Variants in USP54 observed in about 807,000 individuals in gnomAD.
USP54 encodes the protein ubiquitin carboxyl-terminal hydrolase 54.
In USP54, 87 loss-of-function variants were observed where a neutral mutation model predicts 170.5. That is an observed-to-expected ratio of 0.51 (90% confidence interval 0.43 to 0.61). The LOEUF (loss-of-function observed/expected upper bound fraction) is 0.61, where lower values mean the gene tolerates loss of function less well. USP54 is among the 20% of genes least tolerant of loss of function. The probability of loss-of-function intolerance (pLI) is 0.00; values close to 1 mark genes in which losing one functional copy is unlikely to be tolerated. For synonymous variants in USP54, 655 were observed against 742.8 expected, an observed-to-expected ratio of 0.88 and a Z score of 1.92; for missense variants, 1,786 against 2,047.8, an observed-to-expected ratio of 0.87 and a Z score of 2.47.
At chr10:73,596,286 G>A (rs1304464953), upstream of USP54, among the ~76,000 whole-genome samples, 3 of 152,022 alleles carry the variant, frequency 2.0e-5, no homozygotes, top group African/African-American at 7.2e-5. Context: ...GGCTGGGCAC[G>A]GTGGCTCACA....
intron 16 of USP54, among the ~76,000 whole-genome samples, chr10:73,526,358 C>T (rs2062847376): frequency 1.3e-5 from 2 of 152,138 alleles, no homozygotes; most frequent in Admixed American, 1.3e-4. Context: ...AGCAATTCTC[C>T]TGCCTCAGCC....
At chr10:73,580,130 C>A (rs2076690037) in intron 1 of USP54, among the ~76,000 whole-genome samples, 1 of 151,822 alleles carries the variant, frequency 6.6e-6, no homozygotes, top group African/African-American at 2.4e-5. Context: ...TCAAGACCAG[C>A]CTGGCCAACA....
intron 3 of USP54, among the ~76,000 whole-genome samples, chr10:73,574,146 G>A (rs950645312): frequency 3.3e-5 from 5 of 152,172 alleles, no homozygotes; most frequent in East Asian, 1.9e-4. Context: ...TGCTATGGGC[G>A]TGACTGGGCA....
In USP54 at chr10:73,517,268, A is replaced by G; in HGVS notation, c.3158T>C (p.Leu1053Pro). The change falls in exon 20 of 24, where the codon CTA becomes CCA. Residue 1053 changes from leucine to proline, a missense_variant. This residue lies in a region of USP54 where 1,418 missense variants were observed against 1,569.0 expected (regional missense o/e 0.90). Coordinates refer to ENST00000687698, the MANE Select transcript of USP54 (RefSeq NM_001391956.1). The part of the protein sequence containing the change: ...ATSERGDEHS[L>P]GCSPSNSSAQ... ...TGATGAATTTGAAGGACTACAGCCT[A>G]GGCTGTGTTCATCACCCCTCTCAGA... 1 of 1,613,966 alleles carries G rather than the reference A, an allele frequency of 6.2e-7. No homozygotes were observed. Among genetic ancestry groups the G allele is most frequent in the Non-Finnish European group, 8.5e-7 (1 of 1,179,860 alleles).
In USP54 at chr10:73,517,280, TCA is replaced by T; in HGVS notation, c.3144_3145del (p.Asp1049Ter). 1 of 1,613,644 alleles carries T rather than the reference TCA, an allele frequency of 6.2e-7. No homozygotes were observed. Among genetic ancestry groups the T allele is most frequent in the Non-Finnish European group, 8.5e-7 (1 of 1,179,714 alleles). ...AGGACTACAGCCTAGGCTGTGTTCA[TCA>T]CCCCTCTCAGAGGTGGCTATTCCAG... On this transcript the variant is annotated frameshift_variant, in exon 20 of 24. Coordinates refer to ENST00000687698, the MANE Select transcript of USP54 (RefSeq NM_001391956.1). LOFTEE classifies it high-confidence loss of function.
intron 9 of USP54, among the ~76,000 whole-genome samples, chr10:73,540,952 A>T (rs2066491589): frequency 6.6e-6 from 1 of 152,184 alleles, no homozygotes; most frequent in African/African-American, 2.4e-5. Flanking sequence ...GGCTCAGGTC[A>T]CCAACTTTTA....
chr10:73,508,292 A>G (rs1265927570), intron 20 of USP54, among the ~76,000 whole-genome samples: 1 of 151,392 alleles, frequency 6.6e-6, no homozygotes, highest in East Asian at 2.0e-4. Flanking sequence ...CTGTAGTCCC[A>G]GCTACTCGGG....
intron 1 of USP54, among the ~76,000 whole-genome samples, chr10:73,619,978 G>A (rs1026096375): frequency 1.3e-5 from 2 of 150,426 alleles, no homozygotes; most frequent in Non-Finnish European, 2.9e-5. Context: ...CAGGACATCT[G>A]GGACATTGCA....
intron 1 of USP54, among the ~76,000 whole-genome samples, chr10:73,613,132 C>CA (rs2080292723): frequency 7.8e-6 from 1 of 127,416 alleles, no homozygotes; most frequent in East Asian, 2.2e-4. Context: ...ATTCCAGCCT[C>CA]TTTTTTTTTT....
At chr10:73,597,277 G>A (rs1216337014) in intron 1 of USP54, among the ~76,000 whole-genome samples, 1 of 152,134 alleles carries the variant, frequency 6.6e-6, no homozygotes, top group Non-Finnish European at 1.5e-5. Context: ...TGCCTTTGCA[G>A]GACTAACAAA....
At chr10:73,593,209 A>G (rs1257078072), upstream of USP54, among the ~76,000 whole-genome samples, 1 of 151,426 alleles carries the variant, frequency 6.6e-6, no homozygotes, top group Non-Finnish European at 1.5e-5. Flanking sequence ...AAAAAAAAAG[A>G]AAGAAAGAAA....
intron 15 of USP54, among the ~76,000 whole-genome samples, chr10:73,527,679 G>A (rs2063168088): frequency 6.6e-6 from 1 of 151,176 alleles, no homozygotes; most frequent in South Asian, 2.1e-4. Flanking sequence ...CAAAGTCCCA[G>A]TGACCCTAAA....
intron 1 of USP54, among the ~76,000 whole-genome samples, chr10:73,605,460 G>A (rs1040635564): frequency 6.6e-6 from 1 of 152,026 alleles, no homozygotes; most frequent in Non-Finnish European, 1.5e-5. Context: ...CCAGAATATC[G>A]ATACTGCAGT....
At chr10:73,513,211 C>T (rs1347890895) in intron 20 of USP54, 2 of 152,150 alleles carry the variant, frequency 1.3e-5, no homozygotes, top group Non-Finnish European at 2.9e-5. Flanking sequence ...ACTTTATAGT[C>T]CCAGCACTTT....
At chr10:73,502,956 C>A (rs1055428834) in intron 22 of USP54, among the ~76,000 whole-genome samples, 1 of 152,188 alleles carries the variant, frequency 6.6e-6, no homozygotes, top group African/African-American at 2.4e-5. Flanking sequence ...TGAGTATCAT[C>A]CTTTATCCCC....
At chr10:73,554,013 A>T (rs1258968664) in intron 4 of USP54, among the ~76,000 whole-genome samples, 1 of 152,176 alleles carries the variant, frequency 6.6e-6, no homozygotes, top group African/African-American at 2.4e-5. Flanking sequence ...TAAAAACAGA[A>T]AGTCTTTATG....
upstream of USP54, among the ~76,000 whole-genome samples, chr10:73,592,625 A>G (rs1203880588): frequency 6.6e-6 from 1 of 152,250 alleles, no homozygotes; most frequent in Non-Finnish European, 1.5e-5. Context: ...GCTGACTGCA[A>G]ATAAAGACAT....
intron 1 of USP54, among the ~76,000 whole-genome samples, chr10:73,603,584 A>G (rs988238724): frequency 6.6e-5 from 10 of 152,052 alleles, no homozygotes; most frequent in African/African-American, 2.2e-4. Context: ...TGTCTCTACT[A>G]AAAATGCAAA....
chr10:73,571,412 A>C lies in USP54; in HGVS notation c.240+9T>G. ...TGGTAGTGAGAAGAAACTAATTGGA[A>C]GTACTTACCTTGAGAGCGCAAAAGA... On this transcript the variant is annotated intron_variant, in intron 4 of 23. Coordinates refer to ENST00000687698, the MANE Select transcript of USP54 (RefSeq NM_001391956.1). 1.2e-6 allele frequency: 2 copies of C among 1,611,638 alleles called. No individual in the cohort carries two copies. The highest frequency in any genetic ancestry group is 2.7e-5 in the African/African-American group (2 of 74,988).
Sources: gnomAD v4.1 joint callset for allele counts (sites outside exome capture counted in the v4.1 genomes callset) on GRCh38, gnomAD v4.1.1 for gene constraint, gnomAD v4.1.1 regional missense constraint, MANE v1.5 for transcripts, NCBI Gene and HGNC (gene_info 2026-07-23, HGNC 2026-07-21) for gene names.